The following TUSC3 variants were observed in gnomAD, a reference collection of about 807,000 sequenced individuals.
TUSC3 encodes dolichyl-diphosphooligosaccharide--protein glycosyltransferase subunit TUSC3.
A neutral mutation model predicts 44.8 loss-of-function variants in TUSC3; 45 were observed. That is an observed-to-expected ratio of 1.00 (90% CI 0.79 to 1.29). The LOEUF is 1.29. TUSC3 is among the 50% of genes most tolerant of loss of function. The pLI, the probability that TUSC3 is intolerant of heterozygous loss-of-function variation, is 0.00. For missense variants in TUSC3, 519 were observed against 437.9 expected, an observed-to-expected ratio of 1.19 and a Z score of -1.65; for synonymous variants, 212 against 152.9, an observed-to-expected ratio of 1.39 and a Z score of -2.85.
chr8:15,596,026 A>T (rs1489882870), intron 1 of TUSC3, among the ~76,000 whole-genome samples: 1 of 152,228 alleles, frequency 6.6e-6, no homozygotes, highest in African/African-American at 2.4e-5. Flanking sequence ...CCAAGGTTAT[A>T]GCCAGTATTC....
the TUSC3 span, among the ~76,000 whole-genome samples, chr8:15,851,063 G>C: frequency 6.6e-6 from 1 of 152,194 alleles, no homozygotes; most frequent in Admixed American, 6.5e-5. Flanking sequence ...ACGTGTCTAA[G>C]TCAATGGACG....
intron 1 of TUSC3, among the ~76,000 whole-genome samples, chr8:15,563,916 C>T (rs905398506): frequency 3.3e-5 from 5 of 151,948 alleles, no homozygotes; most frequent in Non-Finnish European, 7.4e-5. Flanking sequence ...AGGCATTTTC[C>T]TTTTCATGAG....
intron 1 of TUSC3, among the ~76,000 whole-genome samples, chr8:15,565,941 A>G (rs7010633): frequency 0.045 from 6,855 of 152,212 alleles, 474 homozygotes; most frequent in African/African-American, 0.15. Context: ...AAAACTTTCT[A>G]TAGCTTAATT....
At chr8:15,637,768 G>A (rs534187548) in intron 2 of TUSC3, among the ~76,000 whole-genome samples, 17 of 152,090 alleles carry the variant, frequency 1.1e-4, no homozygotes, top group African/African-American at 4.1e-4. Flanking sequence ...TACCCTTTCT[G>A]CTCATAACGT....
chr8:15,761,154 C>G (rs985681836), intron 10 of TUSC3, among the ~76,000 whole-genome samples: 1 of 152,154 alleles, frequency 6.6e-6, no homozygotes, highest in Admixed American at 6.6e-5. Flanking sequence ...GCGTGTTTCT[C>G]TAGAAAAATC....
rs113038218 is a variant in TUSC3, at chr8:15,462,567, C to T, written n.92-20819C>T. Among the ~76,000 whole-genome samples the T allele has an allele frequency of 1.4e-4, 22 of 152,114 alleles. 1 individual carries two copies. Among genetic ancestry groups the T allele is most frequent in the African/African-American group, 5.1e-4 (21 of 41,538 alleles). Reference sequence around the variant, plus strand: ...AAATTCATTTTCAGAATTTGGGAAGCTTTCCTGCCTTAAAGTGCACTATTT... The same window carrying T: ...AAATTCATTTTCAGAATTTGGGAAGTTTTCCTGCCTTAAAGTGCACTATTT... On this transcript the variant is annotated intron_variant and non_coding_transcript_variant, in intron 1 of 5. Coordinates refer to the TUSC3 transcript ENST00000503191.
At chr8:15,537,850 A>G (rs750607073), upstream of TUSC3, among the ~76,000 whole-genome samples, 6 of 152,346 alleles carry the variant, frequency 3.9e-5, no homozygotes, top group East Asian at 3.9e-4. Flanking sequence ...CTAGATGTCA[A>G]TATTTTACTG....
chr8:15,842,938 T>A, the TUSC3 span, among the ~76,000 whole-genome samples: 1 of 152,226 alleles, frequency 6.6e-6, no homozygotes, highest in African/African-American at 2.4e-5. Flanking sequence ...ATAAAAGTGT[T>A]CACATTGTTT....
intron 1 of TUSC3, among the ~76,000 whole-genome samples, chr8:15,451,652 T>G (rs532395432): frequency 6.6e-6 from 1 of 152,000 alleles, no homozygotes; most frequent in African/African-American, 2.4e-5. Context: ...AATAAAAGAG[T>G]AATAGTAATT....
chr8:15,469,507 G>A (rs541488657), intron 1 of TUSC3, among the ~76,000 whole-genome samples: 1 of 152,274 alleles, frequency 6.6e-6, no homozygotes, highest in Admixed American at 6.5e-5. Context: ...ACTAAATGCT[G>A]GAGAGTATGG....
intron 2 of TUSC3, among the ~76,000 whole-genome samples, chr8:15,626,714 A>G (rs967372734): frequency 2.0e-5 from 3 of 152,080 alleles, no homozygotes; most frequent in African/African-American, 7.2e-5. Flanking sequence ...AGGATTGGGC[A>G]CTGTTGGAGC....
At chr8:15,449,811 A>C (rs975070122) in intron 1 of TUSC3, among the ~76,000 whole-genome samples, 1 of 152,122 alleles carries the variant, frequency 6.6e-6, no homozygotes, top group African/African-American at 2.4e-5. Flanking sequence ...TAAGTGCCCT[A>C]TGTAGGTGAC....
In TUSC3 at chr8:15,756,071, G is replaced by A. The variant is rs554499334; in HGVS notation, c.1029-1720G>A. 4.6e-5 allele frequency among the ~76,000 whole-genome samples: 7 copies of A among 152,234 alleles called. No individual in the cohort carries two copies. The South Asian group carries it at 8.3e-4, about 18-fold the overall frequency. ...CATTAGACTCTGTCTTAGGGAGGTC[G>A]TATGATATAATGGAAAAATAACAGT... On this transcript the variant is annotated intron_variant, in intron 9 of 10. Transcript: ENST00000503731.
intron 1 of TUSC3, among the ~76,000 whole-genome samples, chr8:15,424,938 C>A (rs74916853): frequency 0.031 from 4,646 of 151,662 alleles, 248 homozygotes; most frequent in African/African-American, 0.11. Flanking sequence ...AGGGAATGGG[C>A]AGACATGTAC....
intron 2 of TUSC3, among the ~76,000 whole-genome samples, chr8:15,526,686 C>A (rs1288972366): frequency 3.9e-5 from 6 of 152,136 alleles, no homozygotes; most frequent in Non-Finnish European, 5.9e-5. Context: ...AACTGTGAGT[C>A]CATTGAACCT....
the TUSC3 span, among the ~76,000 whole-genome samples, chr8:15,772,853 A>G: frequency 2.6e-5 from 4 of 152,146 alleles, no homozygotes; most frequent in African/African-American, 7.2e-5. Context: ...ACATATGAGA[A>G]AGAAAATCAG....
At chr8:15,453,266 T>G (rs951422304) in intron 1 of TUSC3, among the ~76,000 whole-genome samples, 1 of 152,140 alleles carries the variant, frequency 6.6e-6, no homozygotes, top group Non-Finnish European at 1.5e-5. Flanking sequence ...ATTTTCAAAT[T>G]TTAACCATGT....
At chr8:15,713,780 C>T (rs1383874959) in intron 6 of TUSC3, among the ~76,000 whole-genome samples, 1 of 152,020 alleles carries the variant, frequency 6.6e-6, no homozygotes, top group African/African-American at 2.4e-5. Flanking sequence ...TCTTTAAAGA[C>T]CCTCTCACCA....
intron 1 of TUSC3, among the ~76,000 whole-genome samples, chr8:15,442,218 A>C (rs1023111726): frequency 2.6e-5 from 4 of 152,066 alleles, no homozygotes; most frequent in Admixed American, 6.5e-5. Flanking sequence ...GTTGCAATTT[A>C]TACTACCTAT....
Sources: allele counts gnomAD v4.1 joint callset (sites outside exome capture counted in the v4.1 genomes callset), GRCh38; gene constraint gnomAD v4.1.1; transcripts MANE v1.5; gene names NCBI Gene and HGNC (gene_info 2026-07-23, HGNC 2026-07-21).